Variants in HBB observed in about 807,000 individuals in gnomAD.
The protein encoded by HBB is hemoglobin subunit beta, also known as Hb Monza protein.
Under a neutral mutation model 9.7 loss-of-function variants are expected in HBB, and 18 were observed. That is an observed-to-expected ratio of 1.86 (90% CI 1.28 to 2.76). The LOEUF (loss-of-function observed/expected upper bound fraction) is 2.76, where lower values mean the gene tolerates loss of function less well. Among genes scored for constraint, HBB ranks in the 30% most tolerant of loss-of-function variants. HBB has a pLI of 0.00. For missense variants in HBB, 156 were observed against 177.0 expected (o/e 0.88, Z 0.67); for synonymous variants, 99 against 73.6 (o/e 1.35, Z -1.77).
At position 5,225,501 on chromosome 11, in the gene HBB, C is replaced by G. The variant is rs770911771; in HGVS notation, c.*97G>C. On this transcript the variant is annotated 3_prime_UTR_variant, in exon 3 of 3. Transcript: ENST00000335295. ...TAAATGTTTTTTATTAGGCAGAATC[C>G]AGATGCTCAAGGCCCTTCATAATAT... 56 of 1,114,652 alleles carry G rather than the reference C, an allele frequency of 5.0e-5. No homozygotes were observed. Among genetic ancestry groups the G allele is most frequent in the Non-Finnish European group, 6.5e-5 (47 of 725,020 alleles). The allele number at this position is 1,114,652 out of a possible 1,614,324, so 69.0% of individuals were successfully genotyped here. A position where few individuals can be genotyped will look rare whatever the true frequency, so the allele number is the denominator to read the frequency against.
rs1055395965 is a variant in HBB at position 5,226,243 on chromosome 11, T to G, written c.315+334A>C. ...ATAAGCACACATATATTCCAAATAG[T>G]AATGTACTAGGCAGACTGTGTAAAG... On this transcript the variant is annotated intron_variant, in intron 2 of 2. Coordinates refer to ENST00000335295, the MANE Select transcript of HBB (RefSeq NM_000518.5). 33 of 459,732 alleles carry G rather than the reference T, an allele frequency of 7.2e-5. No individual in the cohort carries two copies. The highest frequency in any genetic ancestry group is 5.8e-5 in the Non-Finnish European group (15 of 259,242). 28.5% of individuals were successfully genotyped at this position (459,732 alleles called of 1,614,324 possible). A position where few individuals can be genotyped will look rare whatever the true frequency, so the allele number is the denominator to read the frequency against.
rs34856846 is a variant in HBB, at chr11:5,226,985, TA to T, written c.36del (p.Thr13LeufsTer7). On this transcript the variant is annotated frameshift_variant, in exon 1 of 3. Transcript: ENST00000335295. LOFTEE classifies it high-confidence loss of function. ...VHLTPEEKSA[V>X]TALWGKVNVD... ...ACGTTCACCTTGCCCCACAGGGCAG[TA>T]ACGGCAGACTTCTCCTCAGGAGTCA... 6.2e-7 allele frequency: 1 copy of T among 1,613,200 alleles called. No homozygotes were observed. Among genetic ancestry groups the T allele is most frequent in the Admixed American group, 1.7e-5 (1 of 60,030 alleles).
Position 5,225,492 on chromosome 11 carries a change from G to A in HBB, c.*106C>T, listed in dbSNP as rs1228808616. On this transcript the variant is annotated 3_prime_UTR_variant, in exon 3 of 3. Coordinates refer to ENST00000335295, the MANE Select transcript of HBB (RefSeq NM_000518.5). ...CAATGAAAATAAATGTTTTTTATTA[G>A]GCAGAATCCAGATGCTCAAGGCCCT... is the stretch of plus-strand genomic sequence containing the variant. 2.9e-6 allele frequency: 3 copies of A among 1,032,042 alleles called. No homozygotes were observed. The highest frequency in any genetic ancestry group is 1.7e-5 in the Admixed American group (1 of 58,116). 63.9% of individuals were successfully genotyped at this position (1,032,042 alleles called of 1,614,324 possible). A position where few individuals can be genotyped will look rare whatever the true frequency, so the allele number is the denominator to read the frequency against.
rs33911434 is a variant in HBB, at chr11:5,226,578, C to G, written c.314G>C (p.Arg105Thr). ...DKLHVDPENF[R>T]LLGNVLVCVL... ...ACATCAAGCGTCCCATAGACTCACC[C>G]TGAAGTTCTCAGGATCCACGTGCAG... The change falls in exon 2 of 3, where the codon AGG becomes ACG. Residue 105 changes from arginine to threonine, a missense_variant and splice_region_variant. Transcript: ENST00000335295. 1 of 1,614,034 alleles carries G rather than the reference C, an allele frequency of 6.2e-7. No individual in the cohort carries two copies.
chr11:5,225,470 T>A lies in HBB; in HGVS notation c.*128A>T. On this transcript the variant is annotated 3_prime_UTR_variant, in exon 3 of 3. Coordinates refer to ENST00000335295, the MANE Select transcript of HBB (RefSeq NM_000518.5). The stretch of plus-strand genomic sequence containing the variant: ...AAATAATTTAAATACATCATTGCAA[T>A]GAAAATAAATGTTTTTTATTAGGCA... 2 of 888,800 alleles carry A rather than the reference T, an allele frequency of 2.3e-6. No homozygotes were observed. The highest frequency in any genetic ancestry group is 3.8e-6 in the Non-Finnish European group (2 of 532,132). The allele number at this position is 888,800 out of a possible 1,614,324, so 55.1% of individuals were successfully genotyped here. A position where few individuals can be genotyped will look rare whatever the true frequency, so the allele number is the denominator to read the frequency against.
rs1455086436 is a variant in HBB, at chr11:5,225,700, C to G, written c.342G>C (p.Val114=). 6.2e-7 allele frequency: 1 copy of G among 1,614,030 alleles called. No homozygotes were observed. Among genetic ancestry groups the G allele is most frequent in the Admixed American group, 1.7e-5 (1 of 60,020 alleles). Residue 114 remains valine, a synonymous_variant, in exon 3 of 3, where the codon GTG becomes GTC. Transcript: ENST00000335295. ...ATTCTTTGCCAAAGTGATGGGCCAG[C>G]ACACAGACCAGCACGTTGCCCAGGA... ...FRLLGNVLVC[V]LAHHFGKEFT...
At position 5,225,896 on chromosome 11, in the gene HBB, A is replaced by G. The variant is rs1328502288; in HGVS notation, c.316-170T>C. On this transcript the variant is annotated intron_variant, in intron 2 of 2. Coordinates refer to ENST00000335295, the MANE Select transcript of HBB (RefSeq NM_000518.5). The stretch of plus-strand genomic sequence containing the variant: ...CATCAGTTACAATTTATATGCAGAA[A>G]TATTTATATGCAGAGATATTGCTAT... Among the ~76,000 whole-genome samples the G allele has an allele frequency of 2.0e-5, 3 of 152,192 alleles. No individual in the cohort carries two copies. Among genetic ancestry groups the G allele is most frequent in the Non-Finnish European group, 4.4e-5 (3 of 68,040 alleles).
chr11:5,226,487 C>G (rs1847547444), intron 2 of HBB, 90 bp downstream of exon 2: 1 of 1,188,472 alleles, frequency 8.4e-7, no homozygotes, highest in African/African-American at 1.5e-5. Flanking sequence ...CCATTCTAAA[C>G]TGTACCCTGT....
rs966818537 is a variant in HBB at position 5,225,999 on chromosome 11, T to A, written c.316-273A>T. ...ATGATACATTGTATCATTATTGCCC[T>A]GAAAGAAAGAGATTAGGGAAAGTAT... On this transcript the variant is annotated intron_variant, in intron 2 of 2. Coordinates refer to ENST00000335295, the MANE Select transcript of HBB (RefSeq NM_000518.5). Among the ~76,000 whole-genome samples the A allele has an allele frequency of 6.6e-6, 1 of 152,026 alleles. No individual in the cohort carries two copies. Among genetic ancestry groups the A allele is most frequent in the Non-Finnish European group, 1.5e-5 (1 of 68,004 alleles).
rs1444606190 is a variant in HBB, at chr11:5,226,670, A to G, written c.222T>C (p.Asp74=). Residue 74 remains aspartate (D), a synonymous_variant, in exon 2 of 3, where the codon GAT becomes GAC. Transcript: ENST00000335295. ...HGKKVLGAFS[D]GLAHLDNLKG... ...TGAGGTTGTCCAGGTGAGCCAGGCC[A>G]TCACTAAAGGCACCGAGCACTTTCT... 6.2e-7 allele frequency: 1 copy of G among 1,614,164 alleles called. No homozygotes were observed. Among genetic ancestry groups the G allele is most frequent in the Admixed American group, 1.7e-5 (1 of 60,024 alleles).
rs372840436 is a variant in HBB at position 5,226,910 on chromosome 11, C to T, written c.92+20G>A. ...TTTCTATTGGTCTCCTTAAACCTGT[C>T]TTGTAACCTTGATACCAACCTGCCC... On this transcript the variant is annotated intron_variant, in intron 1 of 2. Transcript: ENST00000335295. 1 of 1,608,608 alleles carries T rather than the reference C, an allele frequency of 6.2e-7. No individual in the cohort carries two copies. The highest frequency in any genetic ancestry group is 8.5e-7 in the Non-Finnish European group (1 of 1,175,012).
At chr11:5,226,860 G>C in intron 1 of HBB, 61 bp from the exon 2 acceptor site, 1 of 1,590,298 alleles carries the variant, frequency 6.3e-7, no homozygotes, top group Non-Finnish European at 8.6e-7. Flanking sequence ...AAACCCAAGA[G>C]TCTTCTCTGT....
At chr11:5,225,937 A>G (rs1847537601) in intron 2 of HBB, among the ~76,000 whole-genome samples, 1 of 152,172 alleles carries the variant, frequency 6.6e-6, no homozygotes, top group African/African-American at 2.4e-5. Context: ...TAACCCAGAA[A>G]TTATCACTGT....
chr11:5,226,577 C>T lies in HBB; in HGVS notation c.315G>A (p.Arg105=), dbSNP rs33914944. 6 of 1,613,910 alleles carry T rather than the reference C, an allele frequency of 3.7e-6. No individual in the cohort carries two copies. The South Asian group carries it at 5.5e-5, about 15-fold the overall frequency. The change falls in exon 2 of 3, where the codon AGG becomes AGA. Residue 105 remains arginine (R), a splice_region_variant and synonymous_variant. Coordinates refer to ENST00000335295, the MANE Select transcript of HBB (RefSeq NM_000518.5). ...AACATCAAGCGTCCCATAGACTCAC[C>T]CTGAAGTTCTCAGGATCCACGTGCA... ...DKLHVDPENF[R]LLGNVLVCVL... is the part of the protein sequence containing the mutation.
Position 5,226,675 on chromosome 11 carries a change from T to A in HBB, c.217A>T (p.Ser73Cys). The stretch of plus-strand genomic sequence containing the variant: ...TTGTCCAGGTGAGCCAGGCCATCAC[T>A]AAAGGCACCGAGCACTTTCTTGCCA... ...AHGKKVLGAF[S>C]DGLAHLDNLK... The change falls in exon 2 of 3, where the codon AGT becomes TGT. Residue 73 changes from serine (S) to cysteine (C), a missense_variant. Transcript: ENST00000335295. 1 of 1,614,102 alleles carries A rather than the reference T, an allele frequency of 6.2e-7. No homozygotes were observed. The highest frequency in any genetic ancestry group is 1.1e-5 in the South Asian group (1 of 91,080).
chr11:5,226,381 G>A, intron 2 of HBB, 196 bp downstream of exon 2: 1 of 625,978 alleles, frequency 1.6e-6, no homozygotes, highest in East Asian at 2.7e-5. Context: ...AAGAAAGCAA[G>A]AATTAAACAA....
In HBB at chr11:5,225,998, C is replaced by G. The variant is rs773343845; in HGVS notation, c.316-272G>C. Among the ~76,000 whole-genome samples, 16 of 151,644 alleles carry G rather than the reference C, an allele frequency of 1.1e-4. No individual in the cohort carries two copies. Among genetic ancestry groups the G allele is most frequent in the Non-Finnish European group, 1.9e-4 (13 of 67,940 alleles). On this transcript the variant is annotated intron_variant, in intron 2 of 2. Coordinates refer to ENST00000335295, the MANE Select transcript of HBB (RefSeq NM_000518.5). ...CATGATACATTGTATCATTATTGCC[C>G]TGAAAGAAAGAGATTAGGGAAAGTA...
rs892744704 is a variant in HBB, at chr11:5,226,461, A to G, written c.315+116T>C. On this transcript the variant is annotated intron_variant, in intron 2 of 2. Coordinates refer to ENST00000335295, the MANE Select transcript of HBB (RefSeq NM_000518.5). ...ATCCTGAGACTTCCACACTGATGCA[A>G]TCATTCGTCTGTTTCCCATTCTAAA... is the stretch of plus-strand genomic sequence containing the variant. 1 of 912,232 alleles carries G rather than the reference A, an allele frequency of 1.1e-6. No homozygotes were observed. Among genetic ancestry groups the G allele is most frequent in the Middle Eastern group, 2.4e-4 (1 of 4,212 alleles). 56.5% of individuals were successfully genotyped at this position (912,232 alleles called of 1,614,324 possible). A position where few individuals can be genotyped will look rare whatever the true frequency, so the allele number is the denominator to read the frequency against.
rs63749819 is a variant in HBB, at chr11:5,227,001, CT to C, written c.20del (p.Glu7GlyfsTer13). On this transcript the variant is annotated frameshift_variant, in exon 1 of 3. Transcript: ENST00000335295. LOFTEE classifies it high-confidence loss of function. ...ACAGGGCAGTAACGGCAGACTTCTCCTCAGGAGTCAGATGCACCATGGTGTC... is the reference window on the plus strand; with the variant it reads ...ACAGGGCAGTAACGGCAGACTTCTCCCAGGAGTCAGATGCACCATGGTGTC... MVHLTP[E>X]EKSAVTALWG... The C allele has an allele frequency of 1.4e-5, 23 of 1,611,916 alleles. No individual in the cohort carries two copies. Among genetic ancestry groups the C allele is most frequent in the African/African-American group, 2.7e-5 (2 of 74,872 alleles).
Sources: allele counts gnomAD v4.1 joint callset (sites outside exome capture counted in the v4.1 genomes callset), GRCh38; gene constraint gnomAD v4.1.1; transcripts MANE v1.5; gene names NCBI Gene and HGNC (gene_info 2026-07-23, HGNC 2026-07-21).